Variants in SEMA3E observed in about 807,000 individuals in gnomAD.
SEMA3E encodes the protein semaphorin 3E.
A neutral mutation model predicts 93.6 loss-of-function variants in SEMA3E; 49 were observed. That is an observed-to-expected ratio of 0.52 (90% CI 0.42 to 0.66). The LOEUF is 0.66. SEMA3E is among the 30% of genes least tolerant of loss of function. The pLI is 0.00. For synonymous variants in SEMA3E, 363 were observed against 330.7 expected, an observed-to-expected ratio of 1.10 and a Z score of -1.06; for missense variants, 906 against 964.8, an observed-to-expected ratio of 0.94 and a Z score of 0.81.
At chr7:83,485,281 G>A (rs1225781317) in intron 2 of SEMA3E, among the ~76,000 whole-genome samples, 2 of 152,164 alleles carry the variant, frequency 1.3e-5, no homozygotes, top group African/African-American at 4.8e-5. Context: ...ATACTGCTAT[G>A]TGCCAAGCAC....
intron 1 of SEMA3E, among the ~76,000 whole-genome samples, chr7:83,609,891 A>C (rs999081468): frequency 1.3e-5 from 2 of 152,010 alleles, no homozygotes; most frequent in Admixed American, 1.3e-4. Flanking sequence ...TTATAAAATT[A>C]AATATTGTAT....
At chr7:83,456,886 T>C (rs1423191846) in intron 4 of SEMA3E, among the ~76,000 whole-genome samples, 2 of 152,148 alleles carry the variant, frequency 1.3e-5, no homozygotes, top group Non-Finnish European at 2.9e-5. Context: ...AGTGCTGGGA[T>C]TACAGGCAAG....
At chr7:83,518,791 G>T (rs2115677836) in intron 1 of SEMA3E, among the ~76,000 whole-genome samples, 1 of 152,110 alleles carries the variant, frequency 6.6e-6, no homozygotes, top group South Asian at 2.1e-4. Context: ...TTCCTCTCAG[G>T]AAAGCTCCCT....
intron 1 of SEMA3E, among the ~76,000 whole-genome samples, chr7:83,502,001 G>C (rs1203060737): frequency 1.3e-5 from 2 of 152,060 alleles, no homozygotes; most frequent in African/African-American, 4.8e-5. Flanking sequence ...TCTTCTCTTA[G>C]AGTCTAAAAG....
intron 1 of SEMA3E, among the ~76,000 whole-genome samples, chr7:83,618,102 G>A (rs1160803767): frequency 6.6e-6 from 1 of 152,224 alleles, no homozygotes; most frequent in East Asian, 1.9e-4. Context: ...ATTGGGAGTG[G>A]TGAGAAGTCA....
chr7:83,375,528 T>C (rs117633796), intron 16 of SEMA3E, among the ~76,000 whole-genome samples: 1 of 152,232 alleles, frequency 6.6e-6, no homozygotes, highest in Non-Finnish European at 1.5e-5. Flanking sequence ...GATATCTTCA[T>C]GCACACGCAT....
chr7:83,539,620 C>A (rs1791475640), intron 1 of SEMA3E, among the ~76,000 whole-genome samples: 1 of 152,040 alleles, frequency 6.6e-6, no homozygotes, highest in Non-Finnish European at 1.5e-5. Flanking sequence ...GCTTTCCAAA[C>A]CGTTTTTGCT....
chr7:83,449,108 A>C (rs1789299114), intron 4 of SEMA3E, among the ~76,000 whole-genome samples: 1 of 151,218 alleles, frequency 6.6e-6, no homozygotes, highest in African/African-American at 2.4e-5. Context: ...TTATTTATTT[A>C]TTTATTTATG....
chr7:83,630,593 T>C (rs1424200052), intron 1 of SEMA3E, among the ~76,000 whole-genome samples: 1 of 152,192 alleles, frequency 6.6e-6, no homozygotes, highest in African/African-American at 2.4e-5. Context: ...TCCTTGTTTA[T>C]CACAGTGTGA....
chr7:83,552,166 C>G (rs961185356), intron 1 of SEMA3E, among the ~76,000 whole-genome samples: 1 of 152,190 alleles, frequency 6.6e-6, no homozygotes, highest in African/African-American at 2.4e-5. Context: ...TTACTGCCGT[C>G]CTACATTGTT....
At chr7:83,389,290 C>T (rs1787944387) in intron 14 of SEMA3E, among the ~76,000 whole-genome samples, 1 of 151,780 alleles carries the variant, frequency 6.6e-6, no homozygotes, top group South Asian at 2.1e-4. Flanking sequence ...ATATTGAGAA[C>T]CTAAGGGCTG....
chr7:83,423,403 A>G (rs1319528520), intron 4 of SEMA3E, among the ~76,000 whole-genome samples: 1 of 152,082 alleles, frequency 6.6e-6, no homozygotes, highest in African/African-American at 2.4e-5. Flanking sequence ...TCTCACATTT[A>G]TTTGATTAAT....
At chr7:83,447,249 C>T (rs1256883648) in intron 4 of SEMA3E, among the ~76,000 whole-genome samples, 2 of 152,038 alleles carry the variant, frequency 1.3e-5, no homozygotes, top group Non-Finnish European at 2.9e-5. Context: ...CTCTATGCAA[C>T]ATTTTGGCTG....
intron 4 of SEMA3E, among the ~76,000 whole-genome samples, chr7:83,462,667 C>T (rs1314220218): frequency 7.3e-5 from 11 of 151,600 alleles, no homozygotes; most frequent in East Asian, 5.8e-4. Context: ...TCCCGCAGCA[C>T]GCTTTAAAAA....
chr7:83,368,989 T>G (rs1263424391), intron 16 of SEMA3E, among the ~76,000 whole-genome samples: 5 of 152,122 alleles, frequency 3.3e-5, no homozygotes, highest in Non-Finnish European at 7.3e-5. Flanking sequence ...CCTGAAAAAT[T>G]GTTGTGAAGA....
At chr7:83,469,124 TGAAC>T in intron 3 of SEMA3E, 115 bp downstream of exon 3, 1 of 770,938 alleles carries the variant, frequency 1.3e-6, no homozygotes, top group South Asian at 1.6e-5. Context: ...TTTTTCTTCA[TGAAC>T]CAAATTGCAT....
intron 4 of SEMA3E, among the ~76,000 whole-genome samples, chr7:83,420,297 C>A (rs142945511): frequency 6.6e-6 from 1 of 152,000 alleles, no homozygotes; most frequent in African/African-American, 2.4e-5. Context: ...TGCAGAAAAT[C>A]ATATAGATGA....
At chr7:83,377,267 T>A (rs1344155112) in intron 16 of SEMA3E, among the ~76,000 whole-genome samples, 1 of 152,046 alleles carries the variant, frequency 6.6e-6, no homozygotes, top group Non-Finnish European at 1.5e-5. Context: ...AAAAGACTTT[T>A]TCCCCCCAAA....
intron 1 of SEMA3E, 140 bp from the exon 2 acceptor site, chr7:83,490,414 A>T: frequency 1.3e-6 from 1 of 781,578 alleles, no homozygotes; most frequent in South Asian, 1.6e-5. Context: ...CTGGCAAAGA[A>T]TTTTAATGTG....
Sources: allele counts gnomAD v4.1 joint callset (sites outside exome capture counted in the v4.1 genomes callset), GRCh38; gene constraint gnomAD v4.1.1; transcripts MANE v1.5; gene names NCBI Gene and HGNC (gene_info 2026-07-23, HGNC 2026-07-21).